Variants in MAP2K6 observed in about 807,000 individuals in gnomAD.
MAP2K6 encodes the protein dual specificity mitogen-activated protein kinase kinase 6.
A neutral mutation model predicts 53.7 loss-of-function variants in MAP2K6; 16 were observed. The observed-to-expected ratio is 0.30, with a 90% CI of 0.20 to 0.45. MAP2K6 has a LOEUF of 0.45. Ranked by LOEUF, MAP2K6 falls within the 20% of genes least tolerant of loss-of-function variation. The pLI, the probability that MAP2K6 is intolerant of heterozygous loss-of-function variation, is 1.00. For missense variants in MAP2K6, 204 were observed against 411.9 expected (o/e 0.50, Z 4.37); for synonymous variants, 132 against 143.1 (o/e 0.92, Z 0.55).
chr17:69,521,526 C>T lies in MAP2K6; in HGVS notation c.535+426C>T, dbSNP rs557738279. On this transcript the variant is annotated intron_variant, in intron 7 of 11. Coordinates refer to ENST00000590474, the MANE Select transcript of MAP2K6 (RefSeq NM_002758.4). ...CTTGTGCACATGAAAGTGTGAAAAACTCTGGTATAAAGTAGAGCCCTTTCA... is the reference window on the plus strand; with the variant it reads ...CTTGTGCACATGAAAGTGTGAAAAATTCTGGTATAAAGTAGAGCCCTTTCA... The T allele has an allele frequency of 1.6e-4, 25 of 156,900 alleles. No homozygotes were observed. The South Asian group carries it at 2.2e-3, about 14-fold the overall frequency. 9.7% of individuals were successfully genotyped at this position (156,900 alleles called of 1,614,324 possible). A position where few individuals can be genotyped will look rare whatever the true frequency, so the allele number is the denominator to read the frequency against.
intron 1 of MAP2K6, among the ~76,000 whole-genome samples, chr17:69,452,233 T>G (rs909426600): frequency 6.6e-6 from 1 of 151,296 alleles, no homozygotes; most frequent in Non-Finnish European, 1.5e-5. Flanking sequence ...CCGGGGATGC[T>G]GCTGAGTATT....
intron 1 of MAP2K6, among the ~76,000 whole-genome samples, chr17:69,443,706 A>C (rs1206450583): frequency 6.6e-6 from 1 of 152,054 alleles, no homozygotes; most frequent in African/African-American, 2.4e-5. Context: ...GTTGACTGAC[A>C]CTCTCAAAAC....
chr17:69,487,322 C>CA (rs750621074), intron 1 of MAP2K6, among the ~76,000 whole-genome samples: 10 of 152,176 alleles, frequency 6.6e-5, no homozygotes, highest in Non-Finnish European at 1.5e-4. Context: ...GTCCTCGAAA[C>CA]AGAGGAAGTA....
chr17:69,541,034 C>T (rs1911594483), intron 11 of MAP2K6, among the ~76,000 whole-genome samples: 1 of 152,200 alleles, frequency 6.6e-6, no homozygotes, highest in Non-Finnish European at 1.5e-5. Flanking sequence ...GAGGCCGAGG[C>T]TGGCAGATCA....
chr17:69,533,176 T>A (rs1022140405), intron 10 of MAP2K6, among the ~76,000 whole-genome samples: 1 of 152,144 alleles, frequency 6.6e-6, no homozygotes, highest in African/African-American at 2.4e-5. Context: ...TGAGCTCAAG[T>A]GATCCACCTG....
intron 1 of MAP2K6, among the ~76,000 whole-genome samples, chr17:69,427,968 G>A (rs574948770): frequency 6.6e-6 from 1 of 152,250 alleles, no homozygotes; most frequent in South Asian, 2.1e-4. Context: ...CCTATCTAAG[G>A]ACAGGATAGC....
intron 1 of MAP2K6, among the ~76,000 whole-genome samples, chr17:69,420,576 T>C (rs1478294123): frequency 6.6e-6 from 1 of 152,188 alleles, no homozygotes; most frequent in East Asian, 1.9e-4. Flanking sequence ...TATAGTCCAA[T>C]CACTTCATTT....
At chr17:69,443,166 G>A (rs1271019078) in intron 1 of MAP2K6, among the ~76,000 whole-genome samples, 2 of 152,004 alleles carry the variant, frequency 1.3e-5, no homozygotes, top group Non-Finnish European at 2.9e-5. Context: ...CATACCTTAT[G>A]TTTATTCTTA....
At chr17:69,464,815 A>G (rs1427449497) in intron 1 of MAP2K6, among the ~76,000 whole-genome samples, 1 of 152,024 alleles carries the variant, frequency 6.6e-6, no homozygotes, top group East Asian at 1.9e-4. Context: ...TCCCGGGTTC[A>G]AGCAATTCTC....
intron 10 of MAP2K6, among the ~76,000 whole-genome samples, chr17:69,535,053 C>G (rs1911287664): frequency 6.6e-6 from 1 of 150,392 alleles, no homozygotes; most frequent in African/African-American, 2.5e-5. Flanking sequence ...ATGGGTTGGT[C>G]TCTTCATCTT....
chr17:69,547,779 T>C lies in MAP2K6; in HGVS notation c.*6026T>C, dbSNP rs1911934107. On this transcript the variant is annotated 3_prime_UTR_variant, in exon 12 of 12. Transcript: ENST00000590474. ...ATTTCTATGCAATCACCAACATAATTTACTTCAATTTGGAAATAAATGTCA... is the reference window on the plus strand; with the variant it reads ...ATTTCTATGCAATCACCAACATAATCTACTTCAATTTGGAAATAAATGTCA... 1 of 152,238 alleles carries C rather than the reference T, an allele frequency of 6.6e-6. No homozygotes were observed. The allele number at this position is 152,238 out of a possible 1,614,324, so 9.4% of individuals were successfully genotyped here.
At chr17:69,524,221 C>T (rs879867892) in intron 8 of MAP2K6, among the ~76,000 whole-genome samples, 2 of 151,800 alleles carry the variant, frequency 1.3e-5, no homozygotes, top group African/African-American at 2.4e-5. Flanking sequence ...GAAAGAGATA[C>T]GTTATTTGAA....
chr17:69,508,218 ATT>A (rs201926028), intron 2 of MAP2K6, among the ~76,000 whole-genome samples: 10 of 140,966 alleles, frequency 7.1e-5, no homozygotes, highest in African/African-American at 2.3e-4. Context: ...TGCCCAGCTG[ATT>A]TTTTTTTTTT....
chr17:69,519,402 T>G lies in MAP2K6; in HGVS notation c.336T>G (p.Thr112=). The G allele has an allele frequency of 1.2e-6, 2 of 1,614,214 alleles. No homozygotes were observed. The highest frequency in any genetic ancestry group is 1.7e-6 in the Non-Finnish European group (2 of 1,180,000). Residue 112 remains threonine, a synonymous_variant, in exon 5 of 12, where the codon ACT becomes ACG. Coordinates refer to ENST00000590474, the MANE Select transcript of MAP2K6 (RefSeq NM_002758.4). The part of the protein sequence containing the change: ...ISMRTVDCPF[T]VTFYGALFRE... ...TGAGGACGGTGGACTGTCCATTCAC[T>G]GTCACCTTTTATGGCGCACTGTTTC... is the stretch of plus-strand genomic sequence containing the variant.
chr17:69,517,011 A>G (rs537070516), intron 3 of MAP2K6, 108 bp downstream of exon 3: 47 of 876,294 alleles, frequency 5.4e-5, no homozygotes, highest in Non-Finnish European at 7.8e-5. Flanking sequence ...TGAGTCAAAA[A>G]AAGTTTGCAT....
At chr17:69,463,667 T>C (rs1907703631) in intron 1 of MAP2K6, among the ~76,000 whole-genome samples, 1 of 151,496 alleles carries the variant, frequency 6.6e-6, no homozygotes, top group African/African-American at 2.4e-5. Flanking sequence ...CACATACATA[T>C]ATGTATATAC....
rs116802914 is a variant in MAP2K6, at chr17:69,485,432, C to G, written c.17-20348C>G. ...TTTGCCTGTTTGAATTTTCTCTTATCTCTATGGAACATTGACTACTTCCTC... is the reference window on the plus strand; with the variant it reads ...TTTGCCTGTTTGAATTTTCTCTTATGTCTATGGAACATTGACTACTTCCTC... On this transcript the variant is annotated intron_variant, in intron 1 of 11. Transcript: ENST00000590474. 2.5e-3 allele frequency: 2,417 copies of G among 975,018 alleles called. 47 individuals carry two copies. In the African/African-American group the frequency reaches 0.038, roughly 15 times the overall value. The allele number at this position is 975,018 out of a possible 1,614,324, so 60.4% of individuals were successfully genotyped here. A position where few individuals can be genotyped will look rare whatever the true frequency, so the allele number is the denominator to read the frequency against.
intron 1 of MAP2K6, among the ~76,000 whole-genome samples, chr17:69,431,501 G>A (rs527887592): frequency 2.0e-4 from 30 of 152,100 alleles, no homozygotes; most frequent in African/African-American, 7.0e-4. Context: ...AATATATCTG[G>A]ACTATGATTA....
chr17:69,465,884 G>C (rs1366582104), intron 1 of MAP2K6, among the ~76,000 whole-genome samples: 3 of 151,412 alleles, frequency 2.0e-5, no homozygotes, highest in Non-Finnish European at 4.4e-5. Flanking sequence ...CTCCCAAAGT[G>C]CTGGGATTAC....
Sources: allele counts gnomAD v4.1 joint callset (sites outside exome capture counted in the v4.1 genomes callset), GRCh38; gene constraint gnomAD v4.1.1; transcripts MANE v1.5; gene names NCBI Gene and HGNC (gene_info 2026-07-23, HGNC 2026-07-21).